The following PPP2R2C variants were observed in gnomAD, a reference collection of about 807,000 sequenced individuals.
The protein encoded by PPP2R2C is protein phosphatase 2, regulatory subunit B, gamma.
In PPP2R2C, 10 loss-of-function variants were observed where a neutral mutation model predicts 45.3. That is an observed-to-expected ratio of 0.22 (90% confidence interval 0.14 to 0.37). PPP2R2C has a LOEUF of 0.37. Among genes scored for constraint, PPP2R2C ranks in the 10% least tolerant of loss-of-function variants. The pLI, the probability that PPP2R2C is intolerant of heterozygous loss-of-function variation, is 1.00. For synonymous variants in PPP2R2C, 257 were observed against 245.4 expected, an observed-to-expected ratio of 1.05 and a Z score of -0.44; for missense variants, 308 against 619.7, an observed-to-expected ratio of 0.50 and a Z score of 5.34.
intron 1 of PPP2R2C, among the ~76,000 whole-genome samples, chr4:6,440,411 C>CA (rs1341508482): frequency 1.8e-4 from 28 of 152,210 alleles, no homozygotes; most frequent in Non-Finnish European, 4.0e-4. Flanking sequence ...CAGGGAAACT[C>CA]AGAGTCCCCT....
Position 6,323,201 on chromosome 4 carries a change from A to G in PPP2R2C, c.*101T>C. ...TGCCACCTCTGCAGCTGTCCTCATC[A>G]GTGCTGTGACTTTCTTCCCCTCCTT... On this transcript the variant is annotated 3_prime_UTR_variant, in exon 9 of 9. Transcript: ENST00000382599. The G allele has an allele frequency of 7.2e-7, 1 of 1,392,510 alleles. No individual in the cohort carries two copies. The highest frequency in any genetic ancestry group is 2.5e-4 in the Middle Eastern group (1 of 3,968). 86.3% of individuals were successfully genotyped at this position (1,392,510 alleles called of 1,614,324 possible).
rs111322404 is a variant in PPP2R2C, at chr4:6,446,278, C to A, written c.70+25882G>T. Among the ~76,000 whole-genome samples, 3 of 152,156 alleles carry A rather than the reference C, an allele frequency of 2.0e-5. No individual in the cohort carries two copies. The East Asian group carries it at 5.8e-4, about 29-fold the overall frequency. On this transcript the variant is annotated intron_variant, in intron 1 of 8. Coordinates refer to ENST00000382599, the MANE Select transcript of PPP2R2C (RefSeq NM_020416.4). ...TCAAAAGGGCTGAGCTTCCCTCCCC[C>A]ACACCGACACACCCACAGACACCAA...
intron 3 of PPP2R2C, among the ~76,000 whole-genome samples, chr4:6,377,951 C>T (rs906592236): frequency 5.9e-5 from 9 of 152,198 alleles, no homozygotes; most frequent in East Asian, 3.9e-4. Flanking sequence ...CGCAAGGCCG[C>T]GGTGACAGCC....
Position 6,378,801 on chromosome 4 carries a change from G to A in PPP2R2C, c.169-229C>T, listed in dbSNP as rs1715558470. Among the ~76,000 whole-genome samples the A allele has an allele frequency of 1.3e-5, 2 of 151,966 alleles. No homozygotes were observed. The highest frequency in any genetic ancestry group is 6.6e-5 in the Admixed American group (1 of 15,260). ...CCCATGAAACACTCACACCCGAGCCGGCTAACTTGCTAATGCGAATGTTCC... is the reference window on the plus strand; with the variant it reads ...CCCATGAAACACTCACACCCGAGCCAGCTAACTTGCTAATGCGAATGTTCC... On this transcript the variant is annotated intron_variant, in intron 2 of 8. Coordinates refer to ENST00000382599, the MANE Select transcript of PPP2R2C (RefSeq NM_020416.4). The surrounding 1 kb of genome is among the most constrained non-coding windows in gnomAD (Gnocchi z 5.2).
In PPP2R2C at chr4:6,470,090, C is replaced by A. The variant is rs1472841057; in HGVS notation, c.70+2070G>T. ...CTGAACGGCTCCTTCAACACCGTTG[C>A]ACCTGCTCCTCACAGAAACCTCCAG... On this transcript the variant is annotated intron_variant, in intron 1 of 8. Transcript: ENST00000382599. Among the ~76,000 whole-genome samples, 17 of 152,342 alleles carry A rather than the reference C, an allele frequency of 1.1e-4. No homozygotes were observed. The East Asian group carries it at 3.1e-3, about 28-fold the overall frequency.
At chr4:6,557,003 G>A (rs181422138) in intron 1 of PPP2R2C, among the ~76,000 whole-genome samples, 1 of 152,142 alleles carries the variant, frequency 6.6e-6, no homozygotes, top group Non-Finnish European at 1.5e-5. Flanking sequence ...GACAGGATCA[G>A]GTTCCAGGCA....
At chr4:6,365,546 G>T (rs990304160) in intron 5 of PPP2R2C, among the ~76,000 whole-genome samples, 1 of 152,212 alleles carries the variant, frequency 6.6e-6, no homozygotes, top group African/African-American at 2.4e-5. Flanking sequence ...ACTGATCAGG[G>T]TCAGTGGCAG....
intron 5 of PPP2R2C, chr4:6,351,062 T>C (rs1461654423): frequency 5.1e-6 from 5 of 981,640 alleles, no homozygotes; most frequent in Non-Finnish European, 6.0e-6. Flanking sequence ...CCCAGCACTT[T>C]GGGAGGTCAA....
intron 2 of PPP2R2C, among the ~76,000 whole-genome samples, chr4:6,522,341 C>T (rs1045816859): frequency 6.6e-6 from 1 of 152,236 alleles, no homozygotes; most frequent in African/African-American, 2.4e-5. Flanking sequence ...TGGGAGCACT[C>T]CCGGGCATTA....
At chr4:6,462,932 G>C (rs1010422235) in intron 1 of PPP2R2C, among the ~76,000 whole-genome samples, 3 of 152,186 alleles carry the variant, frequency 2.0e-5, no homozygotes, top group African/African-American at 7.2e-5. Context: ...TCTTGTAACA[G>C]TTGGCCAGCA....
At position 6,329,486 on chromosome 4, in the gene PPP2R2C, G is replaced by C; in HGVS notation, c.961-133C>G. On this transcript the variant is annotated intron_variant, in intron 7 of 8. Transcript: ENST00000382599. The surrounding 1 kb of genome is among the most constrained non-coding windows in gnomAD (Gnocchi z 5.8). ...CCAGCGCAGACCTGCTCATCTCAGC[G>C]AGGGTCTGAATGCTCTGACACAGCC... 1.3e-6 allele frequency: 1 copy of C among 753,270 alleles called. No individual in the cohort carries two copies. The allele number at this position is 753,270 out of a possible 1,614,324, so 46.7% of individuals were successfully genotyped here.
intron 1 of PPP2R2C, among the ~76,000 whole-genome samples, chr4:6,435,838 C>T (rs1013158437): frequency 6.6e-6 from 1 of 152,072 alleles, no homozygotes; most frequent in Non-Finnish European, 1.5e-5. Context: ...CTTGTTCACC[C>T]CAGACTTCCC....
chr4:6,386,327 A>G (rs535428424), intron 1 of PPP2R2C, among the ~76,000 whole-genome samples: 25 of 150,958 alleles, frequency 1.7e-4, no homozygotes, highest in African/African-American at 4.7e-4. Flanking sequence ...AGAGCAGCAA[A>G]CAGAGTCTGA....
intron 1 of PPP2R2C, chr4:6,413,870 C>T: frequency 6.5e-7 from 1 of 1,536,002 alleles, no homozygotes; most frequent in Non-Finnish European, 8.7e-7. Context: ...GGGACCCTCC[C>T]AACTCTCATG....
chr4:6,348,734 A>G, intron 5 of PPP2R2C: 1 of 981,954 alleles, frequency 1.0e-6, no homozygotes, highest in Non-Finnish European at 1.2e-6. Flanking sequence ...CAGGACAAGG[A>G]GAAACCCTGG....
chr4:6,533,047 G>C (rs1233791688), intron 2 of PPP2R2C, among the ~76,000 whole-genome samples: 2 of 152,222 alleles, frequency 1.3e-5, no homozygotes, highest in African/African-American at 4.8e-5. Flanking sequence ...AGGGGGATGA[G>C]AGACGGCTCT....
chr4:6,503,795 T>TAA (rs11433028), intron 2 of PPP2R2C, among the ~76,000 whole-genome samples: 64 of 146,248 alleles, frequency 4.4e-4, no homozygotes, highest in East Asian at 1.2e-3. Context: ...ACTTGGCAAT[T>TAA]AAAAAAAAAA....
rs1732266675 is a variant in PPP2R2C, at chr4:6,329,842, T to C, written c.961-489A>G. On this transcript the variant is annotated intron_variant, in intron 7 of 8. Coordinates refer to ENST00000382599, the MANE Select transcript of PPP2R2C (RefSeq NM_020416.4). The surrounding 1 kb of genome is among the most constrained non-coding windows in gnomAD (Gnocchi z 5.8). ...CTCTGCCCTCCCAGCTGTGTGATCT[T>C]GGACAAGTGATTTCATCTCTCTGAG... 6.6e-6 allele frequency among the ~76,000 whole-genome samples: 1 copy of C among 151,968 alleles called. No homozygotes were observed. The highest frequency in any genetic ancestry group is 6.5e-5 in the Admixed American group (1 of 15,268).
intron 5 of PPP2R2C, among the ~76,000 whole-genome samples, chr4:6,357,868 A>G (rs1191914838): frequency 2.6e-5 from 4 of 151,884 alleles, no homozygotes; most frequent in Non-Finnish European, 4.4e-5. Flanking sequence ...AGGACACAGG[A>G]GGTGTGATCC....
Sources: allele counts gnomAD v4.1 joint callset (sites outside exome capture counted in the v4.1 genomes callset), GRCh38; gene constraint gnomAD v4.1.1; non-coding constraint Gnocchi (gnomAD v3.1); transcripts MANE v1.5; gene names NCBI Gene and HGNC (gene_info 2026-07-23, HGNC 2026-07-21).